The following TMEM232 variants were observed in gnomAD, a reference collection of about 807,000 sequenced individuals.
TMEM232 encodes transmembrane protein 232.
TMEM232 carries 80 observed loss-of-function variants against 78.8 expected under a neutral mutation model. That is an observed-to-expected ratio of 1.01 (90% CI 0.85 to 1.22). The LOEUF is 1.22. TMEM232 is among the 50% of genes most tolerant of loss of function. The pLI is 0.00. For synonymous variants in TMEM232, 297 were observed against 254.3 expected, an observed-to-expected ratio of 1.17 and a Z score of -1.60; for missense variants, 881 against 742.2, an observed-to-expected ratio of 1.19 and a Z score of -2.17.
chr5:110,589,423 G>C (rs929526438), intron 10 of TMEM232, among the ~76,000 whole-genome samples: 1 of 152,108 alleles, frequency 6.6e-6, no homozygotes, highest in African/African-American at 2.4e-5. Flanking sequence ...GATAATGACT[G>C]TCTGAGAGAA....
intron 1 of TMEM232, among the ~76,000 whole-genome samples, chr5:110,693,267 C>A (rs1794358311): frequency 6.6e-6 from 1 of 152,180 alleles, no homozygotes; most frequent in Non-Finnish European, 1.5e-5. Flanking sequence ...GGAAAACTAA[C>A]AAACAGAAAG....
intron 2 of TMEM232, among the ~76,000 whole-genome samples, chr5:110,399,884 CAA>C (rs1381603572): frequency 6.6e-6 from 1 of 152,108 alleles, no homozygotes; most frequent in Non-Finnish European, 1.5e-5. Flanking sequence ...GTAGTCTCCC[CAA>C]AGTCTTCATA....
intron 12 of TMEM232, among the ~76,000 whole-genome samples, chr5:110,459,626 A>G (rs941284605): frequency 4.6e-5 from 7 of 152,170 alleles, no homozygotes; most frequent in African/African-American, 1.7e-4. Context: ...AAGAAACATC[A>G]ATGGATATTA....
intron 2 of TMEM232, among the ~76,000 whole-genome samples, chr5:110,649,248 GAAGGAT>G (rs1390420589): frequency 6.6e-6 from 1 of 152,018 alleles, no homozygotes; most frequent in Non-Finnish European, 1.5e-5. Context: ...GTTAAGGAAA[GAAGGAT>G]TTTTTTAATT....
At chr5:110,641,369 T>G (rs1203483524) in intron 3 of TMEM232, among the ~76,000 whole-genome samples, 1 of 152,166 alleles carries the variant, frequency 6.6e-6, no homozygotes, top group Non-Finnish European at 1.5e-5. Flanking sequence ...GATGCCAGTT[T>G]GCTGGAAAAC....
chr5:110,672,961 C>T (rs1425119585), intron 1 of TMEM232, among the ~76,000 whole-genome samples: 6 of 151,776 alleles, frequency 4.0e-5, no homozygotes, highest in African/African-American at 1.2e-4. Flanking sequence ...GGGTATATAC[C>T]CAAAGGATTG....
At chr5:110,597,546 G>T (rs1005794285) in intron 10 of TMEM232, among the ~76,000 whole-genome samples, 2 of 151,446 alleles carry the variant, frequency 1.3e-5, no homozygotes, top group African/African-American at 4.9e-5. Flanking sequence ...AAAAGAGCCC[G>T]CATCGCCAAG....
chr5:110,721,254 T>A lies in TMEM232; in HGVS notation c.-13+5373A>T, dbSNP rs1476715134. 3.9e-5 allele frequency among the ~76,000 whole-genome samples: 6 copies of A among 152,030 alleles called. No homozygotes were observed. In the South Asian group the frequency reaches 1.2e-3, roughly 32 times the overall value. On this transcript the variant is annotated intron_variant, in intron 1 of 13. Transcript: ENST00000455884. ...TATATGACATTACAACAAACATTGA[T>A]AGATTTTGTGTGACACCAATAAAAT...
At chr5:110,445,287 A>G (rs1273229971) in intron 12 of TMEM232, among the ~76,000 whole-genome samples, 1 of 152,004 alleles carries the variant, frequency 6.6e-6, no homozygotes, top group Non-Finnish European at 1.5e-5. Context: ...TTGAGCTCTA[A>G]TTAACACATA....
At chr5:110,598,296 C>G (rs1320290154) in intron 10 of TMEM232, among the ~76,000 whole-genome samples, 1 of 152,108 alleles carries the variant, frequency 6.6e-6, no homozygotes, top group Non-Finnish European at 1.5e-5. Context: ...AAATGCAAAT[C>G]AAAACCACAA....
intron 2 of TMEM232, among the ~76,000 whole-genome samples, chr5:110,398,754 A>AT (rs1003438847): frequency 1.3e-5 from 2 of 151,752 alleles, no homozygotes; most frequent in Non-Finnish European, 2.9e-5. Flanking sequence ...TTAATACAAA[A>AT]TTTTTTTTTC....
At chr5:110,494,396 A>C (rs11959083) in intron 12 of TMEM232, among the ~76,000 whole-genome samples, 5,798 of 152,206 alleles carry the variant, frequency 0.038, 383 homozygotes, top group African/African-American at 0.13. Context: ...ATTACACTGA[A>C]CTATTTTTGT....
chr5:110,533,005 C>T (rs1771776612), intron 11 of TMEM232, among the ~76,000 whole-genome samples: 2 of 152,280 alleles, frequency 1.3e-5, no homozygotes, highest in Middle Eastern at 3.4e-3. Flanking sequence ...AACTGTTTTG[C>T]CTATCCACCC....
intron 11 of TMEM232, 53 bp from the exon 12 acceptor site, chr5:110,528,888 A>G: frequency 8.0e-7 from 1 of 1,248,536 alleles, no homozygotes; most frequent in South Asian, 3.4e-5. Context: ...AATGGGAGAA[A>G]AAAAATCGTG....
chr5:110,610,484 T>C (rs1384194670), intron 8 of TMEM232: 1 of 448,168 alleles, frequency 2.2e-6, no homozygotes. Flanking sequence ...ATATGAACTA[T>C]GAGTAGTCAA....
At chr5:110,452,215 A>G (rs943888947) in intron 12 of TMEM232, among the ~76,000 whole-genome samples, 6 of 152,158 alleles carry the variant, frequency 3.9e-5, no homozygotes, top group African/African-American at 1.4e-4. Flanking sequence ...ATTTTATAGT[A>G]AACAGATAAT....
At chr5:110,533,319 C>T (rs1031885588) in intron 11 of TMEM232, among the ~76,000 whole-genome samples, 8 of 152,146 alleles carry the variant, frequency 5.3e-5, no homozygotes, top group Non-Finnish European at 1.2e-4. Flanking sequence ...TGATCGTGTC[C>T]GATTAATCTC....
chr5:110,706,767 T>C (rs952891101), intron 1 of TMEM232, among the ~76,000 whole-genome samples: 2 of 152,138 alleles, frequency 1.3e-5, no homozygotes, highest in African/African-American at 4.8e-5. Flanking sequence ...GCAGTGATTA[T>C]CTCATTTCTC....
intron 1 of TMEM232, among the ~76,000 whole-genome samples, chr5:110,705,095 G>A (rs989296804): frequency 6.6e-6 from 1 of 152,114 alleles, no homozygotes; most frequent in African/African-American, 2.4e-5. Flanking sequence ...TATATCTACA[G>A]GTAACTTCTA....
Sources: allele counts gnomAD v4.1 joint callset (sites outside exome capture counted in the v4.1 genomes callset), GRCh38; gene constraint gnomAD v4.1.1; transcripts MANE v1.5; gene names NCBI Gene and HGNC (gene_info 2026-07-23, HGNC 2026-07-21).